GLT1D1: variants seen among roughly 807,000 people sequenced by gnomAD.
The protein encoded by GLT1D1 is glycosyltransferase 1 domain-containing protein 1.
Under a neutral mutation model 28.7 loss-of-function variants are expected in GLT1D1, and 21 were observed. The ratio of observed to expected loss-of-function variants is 0.73; its 90% CI spans 0.52 to 1.05. The LOEUF is 1.05. Among genes scored for constraint, GLT1D1 ranks in the 50% least tolerant of loss-of-function variants. The probability of loss-of-function intolerance (pLI) is 0.00; values close to 1 mark genes in which losing one functional copy is unlikely to be tolerated. For missense variants in GLT1D1, 343 were observed against 330.6 expected, an observed-to-expected ratio of 1.04 and a Z score of -0.29; for synonymous variants, 147 against 124.8, an observed-to-expected ratio of 1.18 and a Z score of -1.19.
At chr12:128,869,588 G>T (rs12320719) in intron 1 of GLT1D1, among the ~76,000 whole-genome samples, 1 of 151,690 alleles carries the variant, frequency 6.6e-6, no homozygotes, top group African/African-American at 2.4e-5. Context: ...ATATATTTAC[G>T]TATAAGTAGT....
chr12:128,887,976 G>A (rs567797163), intron 2 of GLT1D1, among the ~76,000 whole-genome samples: 3 of 152,242 alleles, frequency 2.0e-5, no homozygotes, highest in Non-Finnish European at 4.4e-5. Flanking sequence ...GCCCATCTGC[G>A]CTCATGAAAT....
chr12:128,979,874 A>G (rs1880152236), intron 7 of GLT1D1, among the ~76,000 whole-genome samples: 1 of 152,264 alleles, frequency 6.6e-6, no homozygotes, highest in African/African-American at 2.4e-5. Context: ...CTGTCATCCA[A>G]CACAAAGACT....
At chr12:128,882,042 T>C (rs1172414278) in intron 2 of GLT1D1, among the ~76,000 whole-genome samples, 1 of 152,082 alleles carries the variant, frequency 6.6e-6, no homozygotes, top group Non-Finnish European at 1.5e-5. Flanking sequence ...TTTTAAAGCT[T>C]TTCATACATA....
intron 2 of GLT1D1, among the ~76,000 whole-genome samples, chr12:128,886,874 A>AC (rs1868441578): frequency 6.6e-6 from 1 of 151,666 alleles, no homozygotes; most frequent in African/African-American, 2.4e-5. Flanking sequence ...CAAAGCCTAA[A>AC]CCCCTGGTGA....
intron 4 of GLT1D1, among the ~76,000 whole-genome samples, chr12:128,941,229 A>G (rs923306220): frequency 1.3e-5 from 2 of 152,166 alleles, no homozygotes; most frequent in Non-Finnish European, 2.9e-5. Flanking sequence ...TCATCAGCTG[A>G]TGATCAGGTC....
intron 6 of GLT1D1, among the ~76,000 whole-genome samples, chr12:128,952,970 C>G (rs1876880832): frequency 6.6e-6 from 1 of 151,784 alleles, no homozygotes; most frequent in African/African-American, 2.4e-5. Flanking sequence ...TTAGTAGAGA[C>G]TGGGTTTCAC....
At position 128,945,379 on chromosome 12, in the gene GLT1D1, G is replaced by A; in HGVS notation, c.419+10G>A. 1 of 1,611,534 alleles carries A rather than the reference G, an allele frequency of 6.2e-7. No homozygotes were observed. On this transcript the variant is annotated intron_variant, in intron 5 of 7. Coordinates refer to ENST00000281703, the MANE Select transcript of GLT1D1 (RefSeq NM_144669.3). ...AAGCCAAAGTGAAAAGGTAAGAGTT[G>A]GTGGAGACCAGTCATTTTGCAGAAC... is the stretch of plus-strand genomic sequence containing the variant.
intron 4 of GLT1D1, 35 bp from the exon 9 acceptor site, chr12:128,945,291 G>A (rs199861164): frequency 5.3e-5 from 85 of 1,611,526 alleles, no homozygotes; most frequent in Middle Eastern, 3.3e-4. Flanking sequence ...ACTAGCAGGC[G>A]GCGACCGCTG....
intron 1 of GLT1D1, among the ~76,000 whole-genome samples, chr12:128,875,054 T>TTGTGTGTGTGTGTGTGTG (rs376956933): frequency 2.1e-5 from 3 of 143,800 alleles, no homozygotes; most frequent in Admixed American, 7.0e-5. Flanking sequence ...GACATAAATA[T>TTGTGTGTGTGTGTGTGTG]TGTGTGTGTG....
At chr12:128,914,605 A>G (rs1415357446) in intron 4 of GLT1D1, among the ~76,000 whole-genome samples, 1 of 152,078 alleles carries the variant, frequency 6.6e-6, no homozygotes, top group Non-Finnish European at 1.5e-5. Flanking sequence ...GGATCACTTG[A>G]AGTCAGGAGT....
intron 2 of GLT1D1, among the ~76,000 whole-genome samples, chr12:128,879,441 T>TCTTTCTTTC (rs1956973321): frequency 8.2e-6 from 1 of 121,716 alleles, no homozygotes; most frequent in Admixed American, 8.8e-5. Context: ...TTTCTTTCTT[T>TCTTTCTTTC]CTTTCTTTCT....
chr12:128,943,262 A>G (rs1362884933), intron 4 of GLT1D1, among the ~76,000 whole-genome samples: 6 of 152,194 alleles, frequency 3.9e-5, no homozygotes, highest in African/African-American at 1.4e-4. Context: ...TATTTATGCC[A>G]AGGGAGCGTT....
rs1409700534 is a variant in GLT1D1 at position 128,952,208 on chromosome 12, C to T, written c.540+4750C>T. ...GGCAAATGGAAGAGTGAACAGAGAA[C>T]TTTAGGACGTAGTAAGTGCTGAGGA... On this transcript the variant is annotated intron_variant, in intron 6 of 7. Coordinates refer to ENST00000281703, the MANE Select transcript of GLT1D1 (RefSeq NM_144669.3). Among the ~76,000 whole-genome samples the T allele has an allele frequency of 2.0e-5, 3 of 151,960 alleles. No individual in the cohort carries two copies. In the East Asian group the frequency reaches 5.8e-4, roughly 29 times the overall value.
At chr12:128,886,889 C>T (rs1868443656) in intron 2 of GLT1D1, among the ~76,000 whole-genome samples, 1 of 152,094 alleles carries the variant, frequency 6.6e-6, no homozygotes, top group Non-Finnish European at 1.5e-5. Flanking sequence ...TGGTGAACCA[C>T]CTCTACTGGG....
chr12:128,962,708 CT>C (rs1311590026), intron 7 of GLT1D1, among the ~76,000 whole-genome samples: 6 of 151,910 alleles, frequency 3.9e-5, no homozygotes, highest in Non-Finnish European at 2.9e-5. Context: ...AAAATAATTC[CT>C]TTTTTTTCTT....
chr12:128,920,167 C>T (rs1198492135), intron 4 of GLT1D1, among the ~76,000 whole-genome samples: 1 of 152,172 alleles, frequency 6.6e-6, no homozygotes, highest in Non-Finnish European at 1.5e-5. Context: ...CTTGCATAGC[C>T]CCCAAATCAG....
At chr12:128,974,479 C>A (rs1203786630) in intron 7 of GLT1D1, among the ~76,000 whole-genome samples, 1 of 152,190 alleles carries the variant, frequency 6.6e-6, no homozygotes, top group African/African-American at 2.4e-5. Flanking sequence ...TGTTTTCCCT[C>A]CTCAAATAAC....
At chr12:128,857,218 C>A (rs1956244684) in intron 1 of GLT1D1, among the ~76,000 whole-genome samples, 1 of 152,156 alleles carries the variant, frequency 6.6e-6, no homozygotes, top group African/African-American at 2.4e-5. Context: ...TTCACTCCCC[C>A]ATCATTCTGT....
At chr12:128,882,474 A>T (rs1185135201) in intron 2 of GLT1D1, among the ~76,000 whole-genome samples, 1 of 151,786 alleles carries the variant, frequency 6.6e-6, no homozygotes, top group Non-Finnish European at 1.5e-5. Context: ...ATGGGATTTC[A>T]CTATGTTGGC....
Sources: allele counts gnomAD v4.1 joint callset (sites outside exome capture counted in the v4.1 genomes callset), GRCh38; gene constraint gnomAD v4.1.1; transcripts MANE v1.5; gene names NCBI Gene and HGNC (gene_info 2026-07-23, HGNC 2026-07-21).